Variants in RCOR1 observed in about 807,000 individuals in gnomAD.
RCOR1 encodes REST corepressor 1, also known as REST corepressor.
RCOR1 carries 12 observed loss-of-function variants against 64.0 expected under a neutral mutation model. That is an observed-to-expected ratio of 0.19 (90% CI 0.12 to 0.30). The LOEUF is 0.30. Among genes scored for constraint, RCOR1 ranks in the 10% least tolerant of loss-of-function variants. RCOR1 has a pLI of 1.00. For synonymous variants in RCOR1, 279 were observed against 227.2 expected (o/e 1.23, Z -2.05); for missense variants, 502 against 621.2 (o/e 0.81, Z 2.04).
intron 4 of RCOR1, among the ~76,000 whole-genome samples, chr14:102,706,642 A>T (rs1595239620): frequency 1.3e-5 from 2 of 152,082 alleles, no homozygotes; most frequent in African/African-American, 4.8e-5. Flanking sequence ...CCTGGGCAAC[A>T]TGGCAAAACC....
intron 3 of RCOR1, among the ~76,000 whole-genome samples, chr14:102,694,233 CA>C (rs1895598158): frequency 6.6e-6 from 1 of 152,150 alleles, no homozygotes; most frequent in African/African-American, 2.4e-5. Flanking sequence ...GGGATTTTAA[CA>C]AACTCCCACT....
chr14:102,689,558 G>A (rs2139968128), intron 3 of RCOR1, among the ~76,000 whole-genome samples: 1 of 152,286 alleles, frequency 6.6e-6, no homozygotes, highest in East Asian at 1.9e-4. Context: ...GAAACAGATG[G>A]TCTTGCTCAT....
chr14:102,662,681 G>A, intron 2 of RCOR1: 1 of 443,764 alleles, frequency 2.3e-6, no homozygotes, highest in Non-Finnish European at 4.3e-6. Flanking sequence ...GGAGGGGCAG[G>A]AGCTTCCTTC....
Position 102,696,165 on chromosome 14 carries a change from C to G in RCOR1, c.446-5113C>G, listed in dbSNP as rs1895645571. Among the ~76,000 whole-genome samples the G allele has an allele frequency of 3.3e-5, 5 of 152,084 alleles. No homozygotes were observed. The South Asian group carries it at 1.0e-3, about 32-fold the overall frequency. ...TGTGTTGTTATTTCGTGTGTTTGTTCTCTTCTGTTGCCTGTGTGTTGTCTC... is the reference window on the plus strand; with the variant it reads ...TGTGTTGTTATTTCGTGTGTTTGTTGTCTTCTGTTGCCTGTGTGTTGTCTC... On this transcript the variant is annotated intron_variant, in intron 3 of 11. Coordinates refer to ENST00000262241, the MANE Select transcript of RCOR1 (RefSeq NM_015156.4).
chr14:102,603,584 C>A (rs1178725852), intron 2 of RCOR1, among the ~76,000 whole-genome samples: 1 of 151,592 alleles, frequency 6.6e-6, no homozygotes, highest in African/African-American at 2.4e-5. Context: ...TTTTTTTTGC[C>A]ACTCAGTTTC....
At chr14:102,667,330 A>G (rs1046081191) in intron 2 of RCOR1, among the ~76,000 whole-genome samples, 16 of 151,964 alleles carry the variant, frequency 1.1e-4, no homozygotes, top group African/African-American at 3.9e-4. Context: ...GTGAAACCCC[A>G]TCTCTACTAA....
At chr14:102,721,761 G>T (rs566937612) in intron 10 of RCOR1, among the ~76,000 whole-genome samples, 1 of 151,974 alleles carries the variant, frequency 6.6e-6, no homozygotes, top group African/African-American at 2.4e-5. Context: ...ACTTAACCGG[G>T]AACCCTGAGT....
intron 3 of RCOR1, among the ~76,000 whole-genome samples, chr14:102,683,453 G>A (rs1243982026): frequency 6.6e-6 from 1 of 152,224 alleles, no homozygotes; most frequent in Non-Finnish European, 1.5e-5. Flanking sequence ...TTTCAGAATT[G>A]GAGAGGTGGA....
chr14:102,599,923 C>T (rs1050117661), intron 2 of RCOR1, among the ~76,000 whole-genome samples: 1 of 151,880 alleles, frequency 6.6e-6, no homozygotes, highest in Non-Finnish European at 1.5e-5. Context: ...CCCCCCTCAG[C>T]CTCATCAGTT....
chr14:102,629,668 A>G (rs947533247), intron 2 of RCOR1, among the ~76,000 whole-genome samples: 11 of 152,190 alleles, frequency 7.2e-5, no homozygotes, highest in African/African-American at 2.4e-4. Context: ...TTTGTAGTCT[A>G]AACATGGATG....
Position 102,698,104 on chromosome 14 carries a change from A to G in RCOR1, c.446-3174A>G, listed in dbSNP as rs141087378. On this transcript the variant is annotated intron_variant, in intron 3 of 11. Coordinates refer to ENST00000262241, the MANE Select transcript of RCOR1 (RefSeq NM_015156.4). ...TTGTTTACAATATGGCAGATGTCCT[A>G]TATAACCTCAGCTGCAGCATTCGGG... Among the ~76,000 whole-genome samples the G allele has an allele frequency of 2.8e-4, 42 of 152,336 alleles. No individual in the cohort carries two copies. The East Asian group carries it at 5.8e-3, about 21-fold the overall frequency.
chr14:102,663,870 T>G (rs1470660187), intron 2 of RCOR1, among the ~76,000 whole-genome samples: 1 of 152,206 alleles, frequency 6.6e-6, no homozygotes, highest in Non-Finnish European at 1.5e-5. Flanking sequence ...AGAAAAGTGT[T>G]TCTGGTTTCT....
intron 3 of RCOR1, among the ~76,000 whole-genome samples, chr14:102,691,474 C>G (rs1895532435): frequency 6.6e-6 from 1 of 152,152 alleles, no homozygotes; most frequent in South Asian, 2.1e-4. Flanking sequence ...AAAAACAAAA[C>G]AAAACAACTT....
At chr14:102,609,606 AT>A (rs907679636) in intron 2 of RCOR1, among the ~76,000 whole-genome samples, 5 of 147,568 alleles carry the variant, frequency 3.4e-5, no homozygotes, top group Non-Finnish European at 3.0e-5. Flanking sequence ...AGTGTGGCTA[AT>A]TTTTTTTTTG....
intron 2 of RCOR1, among the ~76,000 whole-genome samples, chr14:102,623,793 A>T (rs957396421): frequency 6.6e-6 from 1 of 151,138 alleles, no homozygotes; most frequent in Non-Finnish European, 1.5e-5. Context: ...GCGGTGGCTC[A>T]CGCCTGTAAT....
At chr14:102,673,296 T>G (rs1465430902) in intron 2 of RCOR1, among the ~76,000 whole-genome samples, 4 of 151,984 alleles carry the variant, frequency 2.6e-5, no homozygotes, top group African/African-American at 4.8e-5. Flanking sequence ...TATATTTAAT[T>G]CCCTTGAAGT....
chr14:102,692,768 C>CTTTT (rs538053987), intron 3 of RCOR1, among the ~76,000 whole-genome samples: 3 of 111,926 alleles, frequency 2.7e-5, no homozygotes, highest in East Asian at 4.9e-4. Context: ...TTTTCTTTTT[C>CTTTT]TTTTTTTTTT....
At chr14:102,693,561 C>T (rs979669712) in intron 3 of RCOR1, among the ~76,000 whole-genome samples, 6 of 152,100 alleles carry the variant, frequency 3.9e-5, no homozygotes, top group Non-Finnish European at 8.8e-5. Flanking sequence ...AGGGCCTGCC[C>T]CTCCCAACTC....
At chr14:102,673,233 A>T (rs1895064357) in intron 2 of RCOR1, among the ~76,000 whole-genome samples, 1 of 151,932 alleles carries the variant, frequency 6.6e-6, no homozygotes, top group African/African-American at 2.4e-5. Flanking sequence ...ATTTCCTTTA[A>T]CTTGCTTTTT....
Sources: allele counts gnomAD v4.1 joint callset (sites outside exome capture counted in the v4.1 genomes callset), GRCh38; gene constraint gnomAD v4.1.1; transcripts MANE v1.5; gene names NCBI Gene and HGNC (gene_info 2026-07-23, HGNC 2026-07-21).